Variants in ECE1 observed in about 807,000 individuals in gnomAD.
ECE1 encodes the protein endothelin converting enzyme 1.
ECE1 carries 35 observed loss-of-function variants against 98.6 expected under a neutral mutation model. The observed-to-expected ratio is 0.35, with a 90% CI of 0.27 to 0.47. The LOEUF is 0.47. ECE1 is among the 20% of genes least tolerant of loss of function. The probability of loss-of-function intolerance (pLI) is 1.00; values close to 1 mark genes in which losing one functional copy is unlikely to be tolerated. For synonymous variants in ECE1, 394 were observed against 407.1 expected, an observed-to-expected ratio of 0.97 and a Z score of 0.39; for missense variants, 814 against 1,025.3, an observed-to-expected ratio of 0.79 and a Z score of 2.81.
rs1272856026 is a variant in ECE1, at chr1:21,233,514, G to T, written c.1670+44C>A. On this transcript the variant is annotated intron_variant, in intron 14 of 18. Coordinates refer to ENST00000374893, the MANE Select transcript of ECE1 (RefSeq NM_001397.3). This position sits in a 1 kb window ranked among gnomAD's most constrained non-coding sequence, Gnocchi z 4.0. ...CAGTTCGTCCCAAGGCTTGCCCACA[G>T]GTGGGGAGCTGGCACCTTGCCGGCA... The T allele has an allele frequency of 7.0e-6, 11 of 1,582,484 alleles. No individual in the cohort carries two copies. The highest frequency in any genetic ancestry group is 1.7e-5 in the Admixed American group (1 of 59,830).
At chr1:21,251,951 G>A (rs2098213406) in intron 8 of ECE1, among the ~76,000 whole-genome samples, 1 of 152,166 alleles carries the variant, frequency 6.6e-6, no homozygotes, top group Non-Finnish European at 1.5e-5. Flanking sequence ...TAACATTTCT[G>A]TGACTACAAA....
intron 1 of ECE1, among the ~76,000 whole-genome samples, chr1:21,344,000 T>A (rs749186930): frequency 5.3e-5 from 8 of 152,146 alleles, no homozygotes; most frequent in South Asian, 2.1e-4. Context: ...GGGTGGGGCA[T>A]TACAGGGGAG....
In ECE1 at chr1:21,220,272, G is replaced by A; in HGVS notation, c.2137-141C>T. The A allele has an allele frequency of 1.1e-6, 1 of 908,680 alleles. No homozygotes were observed. Among genetic ancestry groups the A allele is most frequent in the Admixed American group, 2.9e-5 (1 of 34,906 alleles). The allele number at this position is 908,680 out of a possible 1,614,324, so 56.3% of individuals were successfully genotyped here. ...GCACTTTGGGAGCCAAGGTGGAAGG[G>A]CTGCTTGAGCCCAGGAGTTCATGAC... On this transcript the variant is annotated intron_variant, in intron 18 of 18. Coordinates refer to ENST00000374893, the MANE Select transcript of ECE1 (RefSeq NM_001397.3). The surrounding 1 kb of genome is among the most constrained non-coding windows in gnomAD (Gnocchi z 5.0).
intron 10 of ECE1, among the ~76,000 whole-genome samples, chr1:21,240,468 C>T (rs2103249295): frequency 6.6e-6 from 1 of 152,264 alleles, no homozygotes; most frequent in East Asian, 1.9e-4. Flanking sequence ...GCCTGGGTGA[C>T]AGAATAAGAC....
At chr1:21,281,586 T>C (rs2098254632) in intron 2 of ECE1, among the ~76,000 whole-genome samples, 1 of 152,244 alleles carries the variant, frequency 6.6e-6, no homozygotes, top group African/African-American at 2.4e-5. Context: ...GACGTATGTG[T>C]CCTGCTGCCC....
chr1:21,329,503 A>T (rs768784022), intron 1 of ECE1, among the ~76,000 whole-genome samples: 2 of 152,172 alleles, frequency 1.3e-5, no homozygotes, highest in African/African-American at 4.8e-5. Flanking sequence ...TAGCTGTGTG[A>T]CCTTGGACAC....
At chr1:21,276,695 T>A (rs1403254954) in intron 3 of ECE1, among the ~76,000 whole-genome samples, 1 of 150,628 alleles carries the variant, frequency 6.6e-6, no homozygotes, top group East Asian at 1.9e-4. Flanking sequence ...TTTTTTTTTT[T>A]TTTTTTTTGA....
At chr1:21,231,215 T>G (rs2098181340) in intron 14 of ECE1, among the ~76,000 whole-genome samples, 1 of 152,204 alleles carries the variant, frequency 6.6e-6, no homozygotes, top group African/African-American at 2.4e-5. Context: ...GGCATTTCAA[T>G]GACTTCTCTG....
At chr1:21,255,475 T>C (rs906057101) in intron 8 of ECE1, among the ~76,000 whole-genome samples, 3 of 152,212 alleles carry the variant, frequency 2.0e-5, no homozygotes, top group African/African-American at 7.2e-5. Flanking sequence ...CGCCCTGTTG[T>C]ACAGTGAGCC....
chr1:21,302,397 G>A (rs1167075429), intron 1 of ECE1, among the ~76,000 whole-genome samples: 1 of 152,168 alleles, frequency 6.6e-6, no homozygotes, highest in East Asian at 1.9e-4. Context: ...TCTGAGCCTC[G>A]ACTTTCTCAT....
chr1:21,258,871 T>G lies in ECE1; in HGVS notation c.616-32A>C. 1.2e-6 allele frequency: 2 copies of G among 1,613,322 alleles called. No homozygotes were observed. Among genetic ancestry groups the G allele is most frequent in the Non-Finnish European group, 1.7e-6 (2 of 1,179,730 alleles). On this transcript the variant is annotated intron_variant, in intron 5 of 18. Transcript: ENST00000374893. The surrounding 1 kb of genome is among the most constrained non-coding windows in gnomAD (Gnocchi z 4.2). The stretch of plus-strand genomic sequence containing the variant: ...GGAGGGAGAGCAGGCAGGGAGGTGA[T>G]GAGGTGGCGGGGAGACCCAGATGTG...
chr1:21,238,368 G>A (rs547944259), intron 10 of ECE1, 124 bp from the exon 11 acceptor site: 10 of 791,464 alleles, frequency 1.3e-5, no homozygotes, highest in East Asian at 5.3e-5. Flanking sequence ...AGAGCTTTCC[G>A]ACCCAGTAAA....
chr1:21,276,784 C>G (rs2098247822), intron 3 of ECE1, among the ~76,000 whole-genome samples: 1 of 150,830 alleles, frequency 6.6e-6, no homozygotes, highest in Non-Finnish European at 1.5e-5. Context: ...CTCCCAGGTT[C>G]AAGTGATTCT....
chr1:21,290,463 T>TGGGCC (rs1569675086), upstream of ECE1: 2 of 1,227,040 alleles, frequency 1.6e-6, no homozygotes, highest in Non-Finnish European at 2.0e-6. This position sits in a 1 kb window ranked among gnomAD's most constrained non-coding sequence, Gnocchi z 7.3. Context: ...CGGGATGGGA[T>TGGGCC]GGGCCGGGCC....
intron 1 of ECE1, among the ~76,000 whole-genome samples, chr1:21,317,718 G>A (rs1056879744): frequency 6.6e-6 from 1 of 152,178 alleles, no homozygotes; most frequent in African/African-American, 2.4e-5. Flanking sequence ...GGCCTCTCCT[G>A]AGCCCCTGCT....
In ECE1 at chr1:21,327,942, T is replaced by C. The variant is rs913066296; in HGVS notation, c.3+17434A>G. Among the ~76,000 whole-genome samples, 3 of 152,168 alleles carry C rather than the reference T, an allele frequency of 2.0e-5. No homozygotes were observed. The highest frequency in any genetic ancestry group is 6.5e-5 in the Admixed American group (1 of 15,282). The stretch of plus-strand genomic sequence containing the variant: ...ATTCCTATGAGAATCTATGAGAATC[T>C]AACTAAGGTGATGAATCTAACTAAC... On this transcript the variant is annotated intron_variant, in intron 1 of 18. Coordinates refer to the ECE1 transcript ENST00000415912. This position sits in a 1 kb window ranked among gnomAD's most constrained non-coding sequence, Gnocchi z 4.6.
At chr1:21,332,665 G>C (rs2103413924) in intron 1 of ECE1, among the ~76,000 whole-genome samples, 1 of 78,512 alleles carries the variant, frequency 1.3e-5, no homozygotes, top group Non-Finnish European at 2.5e-5. Context: ...CAGGAGGAGA[G>C]CGGAGGAGAC....
Position 21,225,625 on chromosome 1 carries a change from G to T in ECE1, c.1850-185C>A, listed in dbSNP as rs535926411. Among the ~76,000 whole-genome samples the T allele has an allele frequency of 2.6e-5, 4 of 152,236 alleles. No individual in the cohort carries two copies. The South Asian group carries it at 8.3e-4, about 32-fold the overall frequency. ...TGGTGGCCAGTCAGAGGCGGGAGAG[G>T]ATGAAGGAGAGAAATCGGGAAAAGC... On this transcript the variant is annotated intron_variant, in intron 16 of 18. Transcript: ENST00000374893. This position sits in a 1 kb window ranked among gnomAD's most constrained non-coding sequence, Gnocchi z 5.3.
chr1:21,239,265 G>A (rs541949554), intron 10 of ECE1, among the ~76,000 whole-genome samples: 11 of 152,288 alleles, frequency 7.2e-5, no homozygotes, highest in African/African-American at 2.6e-4. Flanking sequence ...CCAGGGACGC[G>A]TGCTGGGCTA....
Sources: gnomAD v4.1 joint callset for allele counts (sites outside exome capture counted in the v4.1 genomes callset) on GRCh38, gnomAD v4.1.1 for gene constraint, Gnocchi (gnomAD v3.1) non-coding constraint, MANE v1.5 for transcripts, NCBI Gene and HGNC (gene_info 2026-07-23, HGNC 2026-07-21) for gene names.